The following ORM1 variants were observed in gnomAD, a reference collection of about 807,000 sequenced individuals.
The protein encoded by ORM1 is orosomucoid 1.
Under a neutral mutation model 26.9 loss-of-function variants are expected in ORM1, and 13 were observed. The observed-to-expected ratio is 0.48, with a 90% CI of 0.31 to 0.77. The LOEUF is 0.77. ORM1 is among the 30% of genes least tolerant of loss of function. The pLI, the probability that ORM1 is intolerant of heterozygous loss-of-function variation, is 0.04. For synonymous variants in ORM1, 76 were observed against 102.2 expected (o/e 0.74, Z 1.55); for missense variants, 189 against 246.8 (o/e 0.77, Z 1.57).
rs1158277236 is a variant in ORM1 at position 114,324,085 on chromosome 9, T to C, written c.325T>C (p.Tyr109His). 5 of 1,613,922 alleles carry C rather than the reference T, an allele frequency of 3.1e-6. No homozygotes were observed. The highest frequency in any genetic ancestry group is 1.1e-5 in the South Asian group (1 of 91,070). The change falls in exon 3 of 6, where the codon TAC (tyrosine) becomes CAC (histidine). Residue 109 changes from tyrosine (Y) to histidine (H), a missense_variant. Physicochemically the swap from Tyr to His is moderately conservative, Grantham distance 83 (BLOSUM62 2). This residue lies in a region of ORM1 where 163 missense variants were observed against 157.7 expected (regional missense o/e 1.03). Coordinates refer to ENST00000259396, the MANE Select transcript of ORM1 (RefSeq NM_000607.4). The part of the protein sequence containing the change: ...VQRENGTISR[Y>H]VGGQEHFAHL... The stretch of plus-strand genomic sequence containing the variant: ...GCGGGAAAATGGGACCATCTCCAGA[T>C]ACGGTGAGGGCCAGCCCTCAGGCAG...
chr9:114,323,209 C>T lies in ORM1; in HGVS notation c.76C>T (p.Leu26=), dbSNP rs1480394218. 1 of 1,597,440 alleles carries T rather than the reference C, an allele frequency of 6.3e-7. No individual in the cohort carries two copies. The highest frequency in any genetic ancestry group is 8.5e-7 in the Non-Finnish European group (1 of 1,170,332). ...AGCCCAGATCCCATTGTGTGCCAAC[C>T]TAGTACCGGTGCCCATCACCAACGC... ...LEAQIPLCAN[L]VPVPITNATL... Residue 26 remains leucine, a synonymous_variant, in exon 1 of 6, where the codon CTA becomes TTA. Coordinates refer to ENST00000259396, the MANE Select transcript of ORM1 (RefSeq NM_000607.4).
chr9:114,323,958 G>T (rs1326717091), intron 2 of ORM1, 60 bp from the exon 3 acceptor site: 1 of 1,603,992 alleles, frequency 6.2e-7, no homozygotes, highest in Admixed American at 1.7e-5. Flanking sequence ...GACTGTGATG[G>T]GCGATTGGCC....
rs558120842 is a variant in ORM1, at chr9:114,324,263, A to G, written c.328+175A>G. Among the ~76,000 whole-genome samples the G allele has an allele frequency of 2.6e-5, 4 of 152,288 alleles. No individual in the cohort carries two copies. The South Asian group carries it at 8.3e-4, about 32-fold the overall frequency. On this transcript the variant is annotated intron_variant, in intron 3 of 5. Transcript: ENST00000259396. ...TCTAAGAGGACACTGAGAGAATTAG[A>G]GGAGGAAAAAGAAGAACAGAGACCT... is the stretch of plus-strand genomic sequence containing the variant.
At chr9:114,324,718 C>T in intron 3 of ORM1, 72 bp from the exon 4 acceptor site, 1 of 1,254,376 alleles carries the variant, frequency 8.0e-7, no homozygotes, top group African/African-American at 1.5e-5. Flanking sequence ...CACACCTAGG[C>T]CTCCTCACCT....
At chr9:114,324,229 A>G (rs546876968) in intron 3 of ORM1, 141 bp downstream of exon 3, 16 of 826,620 alleles carry the variant, frequency 1.9e-5, no homozygotes, top group Admixed American at 1.5e-4. Flanking sequence ...CGATGTGCTC[A>G]GAAACAACTC....
chr9:114,324,577 G>T (rs1436335512), intron 3 of ORM1, among the ~76,000 whole-genome samples: 1 of 151,972 alleles, frequency 6.6e-6, no homozygotes, highest in East Asian at 1.9e-4. Context: ...TGACAGCCAC[G>T]GTCTGTGTGA....
At chr9:114,326,175 G>C (rs1352129875) in intron 5 of ORM1, 117 bp from the exon 6 acceptor site, 1 of 1,445,156 alleles carries the variant, frequency 6.9e-7, no homozygotes, top group Non-Finnish European at 9.4e-7. Flanking sequence ...CAGGGTTGGA[G>C]CCCTGGTTGA....
In ORM1 at chr9:114,325,049, C is replaced by G. The variant is rs773611482; in HGVS notation, c.437C>G (p.Ala146Gly). ...DEKNWGLSVYADKPETTKEQL... is the reference protein window; with the variant it reads ...DEKNWGLSVYGDKPETTKEQL... ...GTCAGTCTCCTTGCTCCCCCTGCAG[C>G]TGACAAGCCAGAGACGACCAAGGAG... The change falls in exon 5 of 6, where the codon GCT (alanine) becomes GGT (glycine). Residue 146 changes from alanine (A) to glycine (G), a missense_variant and splice_region_variant. Physicochemically the swap from Ala to Gly is moderately conservative, Grantham distance 60. Transcript: ENST00000259396. The G allele has an allele frequency of 1.2e-6, 2 of 1,613,880 alleles. No individual in the cohort carries two copies. Among genetic ancestry groups the G allele is most frequent in the Admixed American group, 3.3e-5 (2 of 60,014 alleles).
At position 114,323,316 on chromosome 9, in the gene ORM1, C is replaced by T. The variant is rs754187915; in HGVS notation, c.114+69C>T. 21 of 1,613,526 alleles carry T rather than the reference C, an allele frequency of 1.3e-5. No homozygotes were observed. In the African/African-American group the frequency reaches 2.5e-4, roughly 19 times the overall value. ...CCTCCCTTCTCTGGGCTTCCCTTTC[C>T]CTGCTGGCTGTGGTCGGACCCCCAC... On this transcript the variant is annotated intron_variant, in intron 1 of 5. Transcript: ENST00000259396.
rs780905658 is a variant in ORM1, at chr9:114,323,746, C to A, written c.198C>A (p.Phe66Leu). The A allele has an allele frequency of 1.9e-6, 3 of 1,613,986 alleles. No homozygotes were observed. In the Admixed American group the frequency reaches 5.0e-5, roughly 27 times the overall value. ...NKSVQEIQAT[F>L]FYFTPNKTED... is the part of the protein sequence containing the mutation. Reference sequence around the variant, plus strand: ...CGGTTCAGGAGATCCAAGCAACCTTCTTTTACTTCACCCCCAACAAGACAG... The same window carrying A: ...CGGTTCAGGAGATCCAAGCAACCTTATTTTACTTCACCCCCAACAAGACAG... The change falls in exon 2 of 6, where the codon TTC (phenylalanine) becomes TTA (leucine). Residue 66 changes from phenylalanine (F) to leucine (L), a missense_variant. By Grantham distance (22) the Phe-to-Leu change is conservative. Coordinates refer to ENST00000259396, the MANE Select transcript of ORM1 (RefSeq NM_000607.4).
chr9:114,325,307 T>C, intron 5 of ORM1, 155 bp downstream of exon 5: 1 of 637,890 alleles, frequency 1.6e-6, no homozygotes, highest in Non-Finnish European at 2.7e-6. Flanking sequence ...AGCTGAGCTC[T>C]ACAGAGGCCC....
intron 3 of ORM1, 108 bp from the exon 4 acceptor site, chr9:114,324,682 T>C: frequency 2.2e-6 from 2 of 917,946 alleles, no homozygotes; most frequent in Non-Finnish European, 3.3e-6. Flanking sequence ...CCCTGGGCCT[T>C]CACTGATGGG....
chr9:114,323,613 T>C, intron 1 of ORM1, 50 bp from the exon 2 acceptor site: 2 of 1,613,870 alleles, frequency 1.2e-6, no homozygotes, highest in East Asian at 2.2e-5. Context: ...CAGCTGACAG[T>C]CAAAGATTCA....
In ORM1 at chr9:114,325,152, G is replaced by A. The variant is rs1333574665; in HGVS notation, c.540G>A (p.Lys180=). The A allele has an allele frequency of 1.2e-6, 2 of 1,613,886 alleles. No individual in the cohort carries two copies. Among genetic ancestry groups the A allele is most frequent in the Admixed American group, 1.7e-5 (1 of 60,020 alleles). The change falls in exon 5 of 6, where the codon AAG becomes AAA. Residue 180 remains lysine, a splice_region_variant and synonymous_variant. Coordinates refer to ENST00000259396, the MANE Select transcript of ORM1 (RefSeq NM_000607.4). The part of the protein sequence containing the change: ...KSDVVYTDWK[K]DKCEPLEKQH... ...ATGTCGTGTACACCGATTGGAAAAA[G>A]GTAAACGCAAGGGATTGGACAGTGC...
In ORM1 at chr9:114,324,046, T is replaced by G. The variant is rs142720011; in HGVS notation, c.286T>G (p.Tyr96Asp). ...GGACCAGTGCATCTATAACACCACC[T>G]ACCTGAATGTCCAGCGGGAAAATGG... The part of the protein sequence containing the change: ...RQDQCIYNTT[Y>D]LNVQRENGTI... Residue 96 changes from tyrosine to aspartate, a missense_variant, in exon 3 of 6, where the codon TAC becomes GAC. Around this residue, in one of 3 missense-constraint regions of ORM1, gnomAD observed 163 missense variants for 157.7 expected, o/e 1.03. Coordinates refer to ENST00000259396, the MANE Select transcript of ORM1 (RefSeq NM_000607.4). 3.7e-5 allele frequency: 59 copies of G among 1,613,982 alleles called. No homozygotes were observed. In the Admixed American group the frequency reaches 4.3e-4, roughly 12 times the overall value.
At chr9:114,325,841 G>C (rs10982157) in intron 5 of ORM1, among the ~76,000 whole-genome samples, 393 of 151,532 alleles carry the variant, frequency 2.6e-3, no homozygotes, top group African/African-American at 6.0e-3. Flanking sequence ...GCCCCCATCT[G>C]CAGTCCCAGG....
Position 114,326,340 on chromosome 9 carries a change from G to A in ORM1, c.589G>A (p.Glu197Lys). 1 of 1,577,740 alleles carries A rather than the reference G, an allele frequency of 6.3e-7. No individual in the cohort carries two copies. Among genetic ancestry groups the A allele is most frequent in the Non-Finnish European group, 8.6e-7 (1 of 1,163,824 alleles). The change falls in exon 6 of 6, where the codon GAG becomes AAG. Residue 197 changes from glutamate to lysine, a missense_variant. Coordinates refer to ENST00000259396, the MANE Select transcript of ORM1 (RefSeq NM_000607.4). ...GCAGCACGAGAAGGAGAGGAAACAGGAGGAGGGGGAATCCTAGCAGGACAC... is the reference window on the plus strand; with the variant it reads ...GCAGCACGAGAAGGAGAGGAAACAGAAGGAGGGGGAATCCTAGCAGGACAC... Reference protein sequence around the residue: ...EKQHEKERKQEEGES With the variant: ...EKQHEKERKQKEGES
chr9:114,324,671 G>A (rs1348123756), intron 3 of ORM1, 119 bp from the exon 4 acceptor site: 3 of 833,442 alleles, frequency 3.6e-6, no homozygotes, highest in Admixed American at 2.5e-5. Context: ...GCCCAAAGGA[G>A]CCCTGGGCCT....
Position 114,324,936 on chromosome 9 carries a change from A to G in ORM1, c.436+39A>G, listed in dbSNP as rs773428481. On this transcript the variant is annotated intron_variant, in intron 4 of 5. Transcript: ENST00000259396. ...GCAGCCCCAAACTCATGCCCCTCTC[A>G]GGCCTCACCCCCCATTCACCCACCC... The G allele has an allele frequency of 5.6e-6, 9 of 1,598,164 alleles. No individual in the cohort carries two copies. The East Asian group carries it at 2.0e-4, about 36-fold the overall frequency.
Sources: gnomAD v4.1 joint callset for allele counts (sites outside exome capture counted in the v4.1 genomes callset) on GRCh38, gnomAD v4.1.1 for gene constraint, gnomAD v4.1.1 regional missense constraint, MANE v1.5 for transcripts, NCBI Gene and HGNC (gene_info 2026-07-23, HGNC 2026-07-21) for gene names.